Variants in SPOCK3 observed in about 807,000 individuals in gnomAD.
SPOCK3 encodes SPARC (osteonectin), cwcv and kazal like domains proteoglycan 3.
Under a neutral mutation model 56.6 loss-of-function variants are expected in SPOCK3, and 30 were observed. The observed-to-expected ratio is 0.53, with a 90% CI of 0.40 to 0.72. The LOEUF (loss-of-function observed/expected upper bound fraction) is 0.72, where lower values mean the gene tolerates loss of function less well. Ranked by LOEUF, SPOCK3 falls within the 30% of genes least tolerant of loss-of-function variation. The pLI is 0.00. For missense variants in SPOCK3, 527 were observed against 530.0 expected (o/e 0.99, Z 0.06); for synonymous variants, 196 against 183.3 (o/e 1.07, Z -0.56).
chr4:166,964,908 C>T (rs1443119047), intron 4 of SPOCK3, among the ~76,000 whole-genome samples: 1 of 151,752 alleles, frequency 6.6e-6, no homozygotes, highest in Admixed American at 6.6e-5. Context: ...TTTTGTGACT[C>T]CATGCCCAGG....
intron 2 of SPOCK3, among the ~76,000 whole-genome samples, chr4:167,123,425 G>A (rs1237790705): frequency 2.0e-5 from 3 of 152,096 alleles, no homozygotes; most frequent in Non-Finnish European, 4.4e-5. Context: ...ACTAGGCACT[G>A]CAAATTTATT....
At chr4:166,749,904 T>C (rs1014030518) in intron 8 of SPOCK3, among the ~76,000 whole-genome samples, 7 of 152,122 alleles carry the variant, frequency 4.6e-5, no homozygotes, top group Non-Finnish European at 7.4e-5. Flanking sequence ...TTCAATATTA[T>C]ATTGAAAACA....
chr4:166,741,271 A>C (rs1734815552), intron 9 of SPOCK3, among the ~76,000 whole-genome samples: 1 of 152,336 alleles, frequency 6.6e-6, no homozygotes, highest in East Asian at 1.9e-4. Context: ...AATTTCTTAG[A>C]TATTTACAAA....
At chr4:166,870,284 T>G (rs1009899803) in intron 6 of SPOCK3, among the ~76,000 whole-genome samples, 12 of 152,074 alleles carry the variant, frequency 7.9e-5, no homozygotes, top group Non-Finnish European at 1.2e-4. Flanking sequence ...AGTTGAAGAC[T>G]TCAACATTTA....
intron 7 of SPOCK3, among the ~76,000 whole-genome samples, chr4:166,771,917 A>T (rs920658720): frequency 1.3e-5 from 2 of 152,046 alleles, no homozygotes; most frequent in African/African-American, 4.8e-5. Flanking sequence ...TATTTTCAGG[A>T]CTTATATTTC....
At chr4:167,067,353 T>A (rs1008675337) in intron 2 of SPOCK3, among the ~76,000 whole-genome samples, 22 of 151,836 alleles carry the variant, frequency 1.4e-4, no homozygotes, top group Admixed American at 1.3e-3. Context: ...ATTTTGCAAT[T>A]TACGTTAACT....
intron 2 of SPOCK3, among the ~76,000 whole-genome samples, chr4:167,078,263 T>A (rs960903917): frequency 6.6e-5 from 10 of 151,452 alleles, no homozygotes; most frequent in African/African-American, 2.4e-4. Flanking sequence ...GTTTATTACC[T>A]ATGTAATAGG....
intron 7 of SPOCK3, among the ~76,000 whole-genome samples, chr4:166,787,648 G>A (rs1002276896): frequency 1.3e-5 from 2 of 152,022 alleles, no homozygotes; most frequent in Non-Finnish European, 2.9e-5. Flanking sequence ...GAATGATTAG[G>A]CATAGGGTTA....
intron 5 of SPOCK3, among the ~76,000 whole-genome samples, chr4:166,897,190 T>C (rs1735485861): frequency 6.6e-6 from 1 of 152,160 alleles, no homozygotes; most frequent in Non-Finnish European, 1.5e-5. Flanking sequence ...CGCCATTTTC[T>C]ATGGCTTTTA....
intron 6 of SPOCK3, among the ~76,000 whole-genome samples, chr4:166,841,503 C>G (rs1747326703): frequency 6.6e-6 from 1 of 152,132 alleles, no homozygotes; most frequent in Admixed American, 6.5e-5. Flanking sequence ...AGGAATCATT[C>G]TCTGCTTCTT....
chr4:166,945,497 G>A (rs917145774), intron 4 of SPOCK3, among the ~76,000 whole-genome samples: 4 of 152,024 alleles, frequency 2.6e-5, no homozygotes, highest in Non-Finnish European at 4.4e-5. Context: ...TTCCCTTGAC[G>A]TAATCAGTTT....
At chr4:166,873,115 C>T (rs1461719693) in intron 6 of SPOCK3, among the ~76,000 whole-genome samples, 1 of 151,790 alleles carries the variant, frequency 6.6e-6, no homozygotes, top group East Asian at 1.9e-4. Context: ...CCCAACACCA[C>T]CAGACTGGGA....
intron 3 of SPOCK3, among the ~76,000 whole-genome samples, chr4:167,021,597 C>T (rs960102248): frequency 1.3e-5 from 2 of 152,000 alleles, no homozygotes; most frequent in African/African-American, 4.8e-5. Flanking sequence ...ACCCCTCTCT[C>T]CGGTCGATTT....
At chr4:166,796,411 T>C (rs1036178155) in intron 6 of SPOCK3, among the ~76,000 whole-genome samples, 8 of 152,174 alleles carry the variant, frequency 5.3e-5, no homozygotes, top group African/African-American at 1.9e-4. Context: ...CCGCATTTTA[T>C]TGTGCATTAT....
chr4:166,962,366 TG>T (rs1407863007), intron 4 of SPOCK3, among the ~76,000 whole-genome samples: 1 of 152,116 alleles, frequency 6.6e-6, no homozygotes, highest in African/African-American at 2.4e-5. Flanking sequence ...TATGTCACCC[TG>T]GGGGTATTGG....
At chr4:167,059,040 TA>T (rs1297464967) in intron 3 of SPOCK3, among the ~76,000 whole-genome samples, 47 of 151,852 alleles carry the variant, frequency 3.1e-4, no homozygotes, top group Admixed American at 6.6e-5. Context: ...CCTAAAACCA[TA>T]AAAACCCTAG....
At chr4:167,110,226 T>C (rs891548134) in intron 2 of SPOCK3, among the ~76,000 whole-genome samples, 2 of 151,852 alleles carry the variant, frequency 1.3e-5, no homozygotes, top group African/African-American at 2.4e-5. Context: ...TTTCCCCCAT[T>C]CCCCCAAGAG....
chr4:166,901,516 G>A (rs1736043630), intron 5 of SPOCK3, among the ~76,000 whole-genome samples: 1 of 152,130 alleles, frequency 6.6e-6, no homozygotes, highest in African/African-American at 2.4e-5. Context: ...GAAGTGAAGT[G>A]ATCAATGACA....
chr4:166,896,097 A>G (rs1735353159), intron 5 of SPOCK3, among the ~76,000 whole-genome samples: 1 of 152,172 alleles, frequency 6.6e-6, no homozygotes, highest in Non-Finnish European at 1.5e-5. Flanking sequence ...ATTAAGAGTA[A>G]GTTTCTATAG....
Sources: allele counts gnomAD v4.1 joint callset (sites outside exome capture counted in the v4.1 genomes callset), GRCh38; gene constraint gnomAD v4.1.1; transcripts MANE v1.5; gene names NCBI Gene and HGNC (gene_info 2026-07-23, HGNC 2026-07-21).